Variants in HERC1 observed in about 807,000 individuals in gnomAD.
HERC1 encodes the protein probable E3 ubiquitin-protein ligase HERC1.
HERC1 carries 160 observed loss-of-function variants against 554.3 expected under a neutral mutation model. That is an observed-to-expected ratio of 0.29 (90% CI 0.25 to 0.33). HERC1 has a LOEUF of 0.33. Among genes scored for constraint, HERC1 ranks in the 10% least tolerant of loss-of-function variants. The probability of loss-of-function intolerance (pLI) is 1.00; values close to 1 mark genes in which losing one functional copy is unlikely to be tolerated. For missense variants in HERC1, 4,919 were observed against 5,918.5 expected, an observed-to-expected ratio of 0.83 and a Z score of 5.54; for synonymous variants, 2,175 against 2,131.7, an observed-to-expected ratio of 1.02 and a Z score of -0.56.
intron 40 of HERC1, among the ~76,000 whole-genome samples, chr15:63,669,311 G>T (rs2152958725): frequency 6.6e-6 from 1 of 152,326 alleles, no homozygotes; most frequent in South Asian, 2.1e-4. Context: ...TGGGAAAAAT[G>T]AAGAGCTGAT....
intron 3 of HERC1, among the ~76,000 whole-genome samples, chr15:63,763,624 C>T (rs2075681258): frequency 1.3e-5 from 2 of 150,614 alleles, no homozygotes. Flanking sequence ...TAAGGATGCA[C>T]ATCTGGTTGA....
intron 8 of HERC1, among the ~76,000 whole-genome samples, chr15:63,751,597 C>A (rs1452503290): frequency 1.3e-5 from 2 of 152,044 alleles, no homozygotes; most frequent in Non-Finnish European, 2.9e-5. Flanking sequence ...GGTGGGAAGT[C>A]AGTACAGAAG....
intron 19 of HERC1, among the ~76,000 whole-genome samples, chr15:63,719,552 G>GT (rs2073720279): frequency 6.6e-6 from 1 of 152,258 alleles, no homozygotes; most frequent in South Asian, 2.1e-4. Context: ...GATCTGAGAT[G>GT]TATTTTTGAA....
At chr15:63,781,168 T>C (rs2076278961) in intron 1 of HERC1, among the ~76,000 whole-genome samples, 1 of 152,100 alleles carries the variant, frequency 6.6e-6, no homozygotes, top group South Asian at 2.1e-4. Context: ...CAAGCAGAGT[T>C]ATAAAACAAT....
rs781657920 is a variant in HERC1, at chr15:63,637,120, G to A, written c.12232+385C>T. On this transcript the variant is annotated intron_variant, in intron 64 of 77. Coordinates refer to ENST00000443617, the MANE Select transcript of HERC1 (RefSeq NM_003922.4). ...CCAAGTCACAAAGAACTCTGATGAAGATGTCCTTTAAAGTCTTTAGCACAT... is the reference window on the plus strand; with the variant it reads ...CCAAGTCACAAAGAACTCTGATGAAAATGTCCTTTAAAGTCTTTAGCACAT... The A allele has an allele frequency of 3.3e-5, 15 of 457,066 alleles. 1 individual carries two copies. The highest frequency in any genetic ancestry group is 2.2e-4 in the South Asian group (14 of 64,564). 28.3% of individuals were successfully genotyped at this position (457,066 alleles called of 1,614,324 possible).
chr15:63,800,774 C>A (rs1315349146), intron 1 of HERC1, among the ~76,000 whole-genome samples: 1 of 152,186 alleles, frequency 6.6e-6, no homozygotes, highest in Non-Finnish European at 1.5e-5. Context: ...ATAGGAGCAT[C>A]TTTTGTTATT....
intron 12 of HERC1, among the ~76,000 whole-genome samples, chr15:63,743,267 T>TTC (rs1338060768): frequency 3.5e-5 from 5 of 144,156 alleles, no homozygotes; most frequent in African/African-American, 5.1e-5. Flanking sequence ...CTTTTTCTTT[T>TTC]TTTTTTTTTT....
At position 63,694,180 on chromosome 15, in the gene HERC1, A is replaced by G. The variant is rs1261973770; in HGVS notation, c.5481-23T>C. 3 of 1,573,656 alleles carry G rather than the reference A, an allele frequency of 1.9e-6. No homozygotes were observed. The highest frequency in any genetic ancestry group is 1.7e-6 in the Non-Finnish European group (2 of 1,160,220). The stretch of plus-strand genomic sequence containing the variant: ...GTCCTATGTGAAATAAAAGAAAAAA[A>G]TAAGTGGCAAACACACAGAAGGGCA... On this transcript the variant is annotated intron_variant, in intron 29 of 77. Transcript: ENST00000443617. The surrounding 1 kb of genome is among the most constrained non-coding windows in gnomAD (Gnocchi z 4.3).
intron 77 of HERC1, among the ~76,000 whole-genome samples, chr15:63,611,021 G>A (rs2067564234): frequency 6.6e-6 from 1 of 152,198 alleles, no homozygotes; most frequent in Non-Finnish European, 1.5e-5. Context: ...CATCTAGGAG[G>A]GGTTCTTGGA....
chr15:63,630,514 C>T lies in HERC1; in HGVS notation c.12918G>A (p.Leu4306=). 2 of 1,613,844 alleles carry T rather than the reference C, an allele frequency of 1.2e-6. No homozygotes were observed. The highest frequency in any genetic ancestry group is 1.6e-4 in the Middle Eastern group (1 of 6,062). ...AGGCATACACATCTCCATTTGATGC[C>T]AAAGCAAGTGTGTGTTCAGCTCCAA... ...VAVGAEHTLA[L]ASNGDVYAWG... is the part of the protein sequence containing the mutation. Residue 4306 remains leucine, a synonymous_variant, in exon 69 of 78, where the codon TTG becomes TTA. Transcript: ENST00000443617.
intron 47 of HERC1, 117 bp downstream of exon 47, chr15:63,659,619 A>G: frequency 1.4e-6 from 1 of 718,612 alleles, no homozygotes. Flanking sequence ...TGTTGGGGTG[A>G]GATAATGTTG....
intron 11 of HERC1, 44 bp from the exon 12 acceptor site, chr15:63,747,127 G>C (rs558043425): frequency 6.5e-7 from 1 of 1,545,034 alleles, no homozygotes; most frequent in Admixed American, 1.9e-5. Context: ...TCATAAAAGT[G>C]CCTGTGCTAT....
At chr15:63,658,491 C>G (rs1741420112) in intron 48 of HERC1, 53 bp downstream of exon 48, 1 of 1,495,506 alleles carries the variant, frequency 6.7e-7, no homozygotes, top group African/African-American at 1.4e-5. Context: ...AGACTTCCAG[C>G]TAATGTACAC....
intron 48 of HERC1, 130 bp from the exon 49 acceptor site, chr15:63,656,488 A>G: frequency 2.5e-6 from 2 of 812,580 alleles, no homozygotes; most frequent in Non-Finnish European, 1.9e-6. Flanking sequence ...CATTAGCCAT[A>G]CATGTCCTAA....
intron 1 of HERC1, among the ~76,000 whole-genome samples, chr15:63,797,481 C>T (rs2144594113): frequency 6.6e-6 from 1 of 152,250 alleles, no homozygotes; most frequent in South Asian, 2.1e-4. Context: ...TCCTGTGGCC[C>T]TATGCAGAGG....
Position 63,658,737 on chromosome 15 carries a change from T to C in HERC1, c.9425-19A>G, listed in dbSNP as rs370373342. The C allele has an allele frequency of 3.1e-5, 49 of 1,595,074 alleles. No homozygotes were observed. The highest frequency in any genetic ancestry group is 3.9e-5 in the Non-Finnish European group (45 of 1,167,346). On this transcript the variant is annotated intron_variant, in intron 47 of 77. Coordinates refer to ENST00000443617, the MANE Select transcript of HERC1 (RefSeq NM_003922.4). Reference sequence around the variant, plus strand: ...TGGCAACCTGAAAAACATAATTCTGTTTTGTTCTCAACAAGGTAAGAAAAA... The same window carrying C: ...TGGCAACCTGAAAAACATAATTCTGCTTTGTTCTCAACAAGGTAAGAAAAA...
At chr15:63,802,376 C>T (rs2077022436) in intron 1 of HERC1, among the ~76,000 whole-genome samples, 1 of 152,184 alleles carries the variant, frequency 6.6e-6, no homozygotes, top group Non-Finnish European at 1.5e-5. Context: ...GTTTTTGCTA[C>T]ATCAATAATG....
chr15:63,650,069 G>A lies in HERC1; in HGVS notation c.10547-144C>T, dbSNP rs1157971417. 3 of 627,830 alleles carry A rather than the reference G, an allele frequency of 4.8e-6. No individual in the cohort carries two copies. The Admixed American group carries it at 8.7e-5, about 18-fold the overall frequency. The allele number at this position is 627,830 out of a possible 1,614,324, so 38.9% of individuals were successfully genotyped here. A position where few individuals can be genotyped will look rare whatever the true frequency, so the allele number is the denominator to read the frequency against. On this transcript the variant is annotated intron_variant, in intron 53 of 77. Transcript: ENST00000443617. The stretch of plus-strand genomic sequence containing the variant: ...CCTACTAATGAATAAGACCATGAAG[G>A]CAGGATCCTTCATTTATAATACTAT...
intron 74 of HERC1, among the ~76,000 whole-genome samples, chr15:63,621,587 G>A (rs2068079793): frequency 6.6e-6 from 1 of 151,078 alleles, no homozygotes; most frequent in Non-Finnish European, 1.5e-5. Flanking sequence ...CCTGCAGAGT[G>A]TTTTCCAACT....
Sources: gnomAD v4.1 joint callset for allele counts (sites outside exome capture counted in the v4.1 genomes callset) on GRCh38, gnomAD v4.1.1 for gene constraint, Gnocchi (gnomAD v3.1) non-coding constraint, MANE v1.5 for transcripts, NCBI Gene and HGNC (gene_info 2026-07-23, HGNC 2026-07-21) for gene names.